PLCXD3: variants seen among roughly 807,000 people sequenced by gnomAD.
PLCXD3 encodes the protein phosphatidylinositol specific phospholipase C X domain containing 3.
A neutral mutation model predicts 25.5 loss-of-function variants in PLCXD3; 19 were observed. The ratio of observed to expected loss-of-function variants is 0.75; its 90% CI spans 0.52 to 1.09. The LOEUF (loss-of-function observed/expected upper bound fraction) is 1.09. PLCXD3 is among the 50% of genes least tolerant of loss of function. PLCXD3 has a pLI of 0.00. For synonymous variants in PLCXD3, 174 were observed against 137.6 expected (o/e 1.26, Z -1.85); for missense variants, 411 against 388.1 (o/e 1.06, Z -0.50).
intron 2 of PLCXD3, among the ~76,000 whole-genome samples, chr5:41,326,624 T>G (rs186705691): frequency 5.0e-4 from 76 of 152,264 alleles, no homozygotes; most frequent in African/African-American, 1.8e-3. Context: ...AATACCCTTC[T>G]TGGCCAATTG....
In PLCXD3 at chr5:41,312,713, C is replaced by CTTCCTTCCTTCT. The variant is rs1561227756; in HGVS notation, c.*903_*904insAGAAGGAAGGAA. 20 of 146,212 alleles carry CTTCCTTCCTTCT rather than the reference C, an allele frequency of 1.4e-4. No homozygotes were observed. In the South Asian group the frequency reaches 4.4e-3, roughly 32 times the overall value. 9.1% of individuals were successfully genotyped at this position (146,212 alleles called of 1,614,324 possible). The stretch of plus-strand genomic sequence containing the variant: ...CCTTCCTTCCTTCCTTCCTTCCTTC[C>CTTCCTTCCTTCT]TTCCTTCCTTCCTTCCTTCCTTCTG... On this transcript the variant is annotated 3_prime_UTR_variant, in exon 3 of 3. Transcript: ENST00000377801.
chr5:41,415,545 T>A (rs1451147419), intron 1 of PLCXD3, among the ~76,000 whole-genome samples: 1 of 152,212 alleles, frequency 6.6e-6, no homozygotes, highest in Non-Finnish European at 1.5e-5. Context: ...ACTATTTAGT[T>A]CACAATGACG....
chr5:41,365,827 C>T (rs1027591095), intron 2 of PLCXD3, among the ~76,000 whole-genome samples: 53 of 152,172 alleles, frequency 3.5e-4, no homozygotes, highest in African/African-American at 1.1e-3. Flanking sequence ...GTTACATCTA[C>T]TCACTTGAAA....
At chr5:41,324,431 C>A (rs1029674211) in intron 2 of PLCXD3, among the ~76,000 whole-genome samples, 1 of 152,168 alleles carries the variant, frequency 6.6e-6, no homozygotes, top group Non-Finnish European at 1.5e-5. Context: ...ATACATTTTC[C>A]TGTCAGACCC....
chr5:41,493,114 G>A (rs1748742201), intron 1 of PLCXD3, among the ~76,000 whole-genome samples: 1 of 152,118 alleles, frequency 6.6e-6, no homozygotes, highest in African/African-American at 2.4e-5. Context: ...TTTTTGGTGT[G>A]GATGTCCTTT....
In PLCXD3 at chr5:41,310,619, C is replaced by G. The variant is rs1295343572; in HGVS notation, c.*2998G>C. 1 of 152,604 alleles carries G rather than the reference C, an allele frequency of 6.6e-6. No individual in the cohort carries two copies. The allele number at this position is 152,604 out of a possible 1,614,324, so 9.5% of individuals were successfully genotyped here. The stretch of plus-strand genomic sequence containing the variant: ...TTTTTTACTTTTGGAAGGCCCGCAG[C>G]CTGCTTCCCCAGTGTGCTCCAGGGC... On this transcript the variant is annotated 3_prime_UTR_variant, in exon 3 of 3. Transcript: ENST00000377801.
chr5:41,451,877 G>C (rs1364766426), intron 1 of PLCXD3, among the ~76,000 whole-genome samples: 3 of 151,922 alleles, frequency 2.0e-5, no homozygotes, highest in Non-Finnish European at 4.4e-5. Flanking sequence ...TCTTCTTGTT[G>C]GATTGGAGGC....
chr5:41,427,998 C>T (rs1747002153), intron 1 of PLCXD3, among the ~76,000 whole-genome samples: 1 of 152,188 alleles, frequency 6.6e-6, no homozygotes, highest in South Asian at 2.1e-4. Flanking sequence ...CTGTAAATTT[C>T]CCATCTCTAG....
At chr5:41,441,503 C>G (rs907509417) in intron 1 of PLCXD3, among the ~76,000 whole-genome samples, 1 of 152,210 alleles carries the variant, frequency 6.6e-6, no homozygotes, top group Non-Finnish European at 1.5e-5. Flanking sequence ...GGGAAAGCTT[C>G]TCTAAACAGT....
chr5:41,408,532 G>C (rs1003547617), intron 1 of PLCXD3, among the ~76,000 whole-genome samples: 2 of 152,092 alleles, frequency 1.3e-5, no homozygotes, highest in Non-Finnish European at 2.9e-5. Context: ...ATACTTTCCT[G>C]TCACATATAA....
intron 2 of PLCXD3, among the ~76,000 whole-genome samples, chr5:41,332,321 C>T (rs1743840945): frequency 6.6e-6 from 1 of 152,064 alleles, no homozygotes; most frequent in East Asian, 1.9e-4. Flanking sequence ...GACATTTATG[C>T]AGCCAAAAAA....
Position 41,313,681 on chromosome 5 carries a change from C to A in PLCXD3, c.902G>T (p.Gly301Val). The A allele has an allele frequency of 6.2e-7, 1 of 1,613,882 alleles. No homozygotes were observed. The highest frequency in any genetic ancestry group is 8.5e-7 in the Non-Finnish European group (1 of 1,179,856). The part of the protein sequence containing the change: ...NIVTADFVEL[G>V]DFISTVIKLN... ...CTTTATGACAGTGCTGATAAAGTCA[C>A]CAAGTTCTACAAAATCGGCAGTGAC... Residue 301 changes from glycine to valine, a missense_variant, in exon 3 of 3, where the codon GGT (glycine) becomes GTT (valine). Transcript: ENST00000377801.
intron 2 of PLCXD3, among the ~76,000 whole-genome samples, chr5:41,346,594 A>T (rs1402055856): frequency 6.6e-6 from 1 of 152,076 alleles, no homozygotes; most frequent in Non-Finnish European, 1.5e-5. Flanking sequence ...ATATTTATTA[A>T]TTTAACATAT....
At chr5:41,504,920 TG>T (rs1749023496) in intron 1 of PLCXD3, among the ~76,000 whole-genome samples, 1 of 152,230 alleles carries the variant, frequency 6.6e-6, no homozygotes, top group South Asian at 2.1e-4. Context: ...GCTATGACTC[TG>T]ATTTTACTTT....
intron 1 of PLCXD3, among the ~76,000 whole-genome samples, chr5:41,406,918 T>C (rs1477120008): frequency 6.6e-6 from 1 of 152,196 alleles, no homozygotes; most frequent in Non-Finnish European, 1.5e-5. Flanking sequence ...TTTGACTTGG[T>C]AATGTATTTA....
At chr5:41,336,252 A>T (rs1743976628) in intron 2 of PLCXD3, among the ~76,000 whole-genome samples, 1 of 152,180 alleles carries the variant, frequency 6.6e-6, no homozygotes, top group Admixed American at 6.6e-5. Context: ...GGCATAGAGG[A>T]TAAGAGTGAA....
At chr5:41,403,408 T>TGTTTTGTTTTGTTTTA (rs1554047967) in intron 1 of PLCXD3, among the ~76,000 whole-genome samples, 2 of 26,230 alleles carry the variant, frequency 7.6e-5, no homozygotes, top group Non-Finnish European at 1.9e-4. Context: ...GTTGTTTTTT[T>TGTTTTGTTTTGTTTTA]TTTTTTTTAT....
chr5:41,504,979 C>T (rs1429176140), intron 1 of PLCXD3, among the ~76,000 whole-genome samples: 1 of 152,134 alleles, frequency 6.6e-6, no homozygotes, highest in Non-Finnish European at 1.5e-5. Context: ...CAGTGTATCT[C>T]CATTTGTTAG....
chr5:41,402,734 C>T (rs1746223207), intron 1 of PLCXD3, among the ~76,000 whole-genome samples: 1 of 151,792 alleles, frequency 6.6e-6, no homozygotes, highest in Admixed American at 6.6e-5. Flanking sequence ...TTGAAGCTCT[C>T]TTATTGTTTA....
Sources: gnomAD v4.1 joint callset for allele counts (sites outside exome capture counted in the v4.1 genomes callset) on GRCh38, gnomAD v4.1.1 for gene constraint, MANE v1.5 for transcripts, NCBI Gene and HGNC (gene_info 2026-07-23, HGNC 2026-07-21) for gene names.